Variants in CEP112 observed in about 807,000 individuals in gnomAD.
CEP112 encodes the protein centrosomal protein 112.
In CEP112, 127 loss-of-function variants were observed where a neutral mutation model predicts 153.0. That is an observed-to-expected ratio of 0.83 (90% CI 0.72 to 0.96). The LOEUF (loss-of-function observed/expected upper bound fraction) is 0.96. CEP112 is among the 40% of genes least tolerant of loss of function. The pLI is 0.00. For missense variants in CEP112, 1,089 were observed against 1,101.2 expected (o/e 0.99, Z 0.16); for synonymous variants, 358 against 374.4 (o/e 0.96, Z 0.51).
At chr17:65,962,429 C>T (rs1472158965) in intron 17 of CEP112, among the ~76,000 whole-genome samples, 2 of 152,172 alleles carry the variant, frequency 1.3e-5, no homozygotes, top group Admixed American at 1.3e-4. Flanking sequence ...CTCATTTCTT[C>T]ATACCTTAGG....
intron 20 of CEP112, among the ~76,000 whole-genome samples, chr17:65,898,660 C>T (rs367947124): frequency 6.6e-6 from 1 of 152,132 alleles, no homozygotes; most frequent in African/African-American, 2.4e-5. Context: ...GTACTATATG[C>T]AAATGCTAAA....
At chr17:65,711,814 T>G (rs1476991442) in intron 23 of CEP112, among the ~76,000 whole-genome samples, 1 of 152,228 alleles carries the variant, frequency 6.6e-6, no homozygotes, top group Non-Finnish European at 1.5e-5. Flanking sequence ...CACGATCTTC[T>G]GGTAGAGCAG....
At chr17:65,910,432 G>A (rs996182162) in intron 19 of CEP112, among the ~76,000 whole-genome samples, 1 of 151,980 alleles carries the variant, frequency 6.6e-6, no homozygotes, top group African/African-American at 2.4e-5. Context: ...GGAAAAAGGT[G>A]AACTTAGTGA....
At chr17:65,916,285 G>GTGTGTGTGTGTGTGTA (rs1568222913) in intron 19 of CEP112, among the ~76,000 whole-genome samples, 5 of 148,426 alleles carry the variant, frequency 3.4e-5, no homozygotes, top group East Asian at 3.9e-4. Flanking sequence ...GTGTGTGTGT[G>GTGTGTGTGTGTGTGTA]TGTGTGTATG....
At chr17:66,161,821 T>C (rs1006884455) in intron 4 of CEP112, among the ~76,000 whole-genome samples, 2 of 151,492 alleles carry the variant, frequency 1.3e-5, no homozygotes, top group African/African-American at 4.9e-5. Context: ...TCCCAGAACT[T>C]AAAGTATATT....
At chr17:65,804,876 T>C (rs185446080) in intron 21 of CEP112, among the ~76,000 whole-genome samples, 6 of 152,110 alleles carry the variant, frequency 3.9e-5, no homozygotes, top group African/African-American at 1.4e-4. Context: ...TTTTTTTTTT[T>C]TTTGAGACGG....
At chr17:66,159,926 G>A (rs1469058843) in intron 4 of CEP112, among the ~76,000 whole-genome samples, 2 of 151,640 alleles carry the variant, frequency 1.3e-5, no homozygotes, top group Admixed American at 6.6e-5. Context: ...TGACATGACT[G>A]TATATTTAGA....
At chr17:65,920,976 A>G (rs2060705261) in intron 19 of CEP112, among the ~76,000 whole-genome samples, 1 of 152,162 alleles carries the variant, frequency 6.6e-6, no homozygotes, top group Middle Eastern at 3.4e-3. Flanking sequence ...TTAATCCTAC[A>G]TATTAACTAT....
At chr17:66,030,090 G>A (rs1256570672) in intron 12 of CEP112, 67 bp from the exon 13 acceptor site, 2 of 1,328,526 alleles carry the variant, frequency 1.5e-6, no homozygotes, top group African/African-American at 2.9e-5. Context: ...TCTGTAAGAA[G>A]CTTGAGGAAC....
chr17:66,148,789 C>T (rs2146663279), intron 4 of CEP112, among the ~76,000 whole-genome samples: 1 of 152,248 alleles, frequency 6.6e-6, no homozygotes, highest in East Asian at 1.9e-4. Flanking sequence ...AAGATCATGT[C>T]TGTGAACAAA....
intron 12 of CEP112, among the ~76,000 whole-genome samples, chr17:66,046,225 G>A (rs1483944740): frequency 6.6e-6 from 1 of 152,024 alleles, no homozygotes; most frequent in African/African-American, 2.4e-5. Flanking sequence ...TGTATTTTTA[G>A]TAGAGATGGG....
At chr17:65,865,948 G>T (rs559738948) in intron 20 of CEP112, among the ~76,000 whole-genome samples, 2 of 152,148 alleles carry the variant, frequency 1.3e-5, no homozygotes, top group African/African-American at 4.8e-5. Context: ...GCCGGTGGGA[G>T]CTGGGAGCAG....
intron 18 of CEP112, among the ~76,000 whole-genome samples, chr17:65,956,747 A>G (rs556838193): frequency 7.9e-5 from 12 of 152,242 alleles, no homozygotes; most frequent in Non-Finnish European, 1.6e-4. Context: ...CATGTAACCA[A>G]GCACCACCTG....
chr17:66,121,418 GC>G (rs1384446651), intron 6 of CEP112, among the ~76,000 whole-genome samples: 1 of 152,194 alleles, frequency 6.6e-6, no homozygotes, highest in Admixed American at 6.5e-5. Flanking sequence ...AAATTTTGCA[GC>G]CAATCATTCT....
chr17:66,120,879 T>C (rs1180591602), intron 6 of CEP112, among the ~76,000 whole-genome samples: 6 of 152,244 alleles, frequency 3.9e-5, no homozygotes, highest in Non-Finnish European at 5.9e-5. Flanking sequence ...TATTATTTCC[T>C]TCATCTGCTT....
intron 20 of CEP112, among the ~76,000 whole-genome samples, chr17:65,888,686 A>AC (rs2143074190): frequency 6.6e-6 from 1 of 152,320 alleles, no homozygotes; most frequent in South Asian, 2.1e-4. Flanking sequence ...ACAGAATGTT[A>AC]CTCAGCCCAA....
At chr17:65,831,381 C>T (rs897089424) in intron 21 of CEP112, among the ~76,000 whole-genome samples, 1 of 151,876 alleles carries the variant, frequency 6.6e-6, no homozygotes, top group African/African-American at 2.4e-5. Context: ...CACAGTGAAA[C>T]CCCGTCTCTA....
chr17:65,800,152 C>G (rs927694500), intron 21 of CEP112, among the ~76,000 whole-genome samples: 2 of 152,052 alleles, frequency 1.3e-5, no homozygotes, highest in African/African-American at 4.8e-5. Flanking sequence ...CAAAACACAC[C>G]TTTTAAGAGT....
At chr17:66,181,624 G>A (rs1002035581) in intron 2 of CEP112, among the ~76,000 whole-genome samples, 5 of 152,016 alleles carry the variant, frequency 3.3e-5, no homozygotes, top group African/African-American at 2.4e-5. Flanking sequence ...CAAAGTACTC[G>A]GATTACAGGC....
Sources: allele counts gnomAD v4.1 joint callset (sites outside exome capture counted in the v4.1 genomes callset), GRCh38; gene constraint gnomAD v4.1.1; transcripts MANE v1.5; gene names NCBI Gene and HGNC (gene_info 2026-07-23, HGNC 2026-07-21).